The following MRTFB variants were observed in gnomAD, a reference collection of about 807,000 sequenced individuals.
The protein encoded by MRTFB is myocardin related transcription factor B.
A neutral mutation model predicts 104.2 loss-of-function variants in MRTFB; 29 were observed. The ratio of observed to expected loss-of-function variants is 0.28; its 90% CI spans 0.21 to 0.38. The LOEUF is 0.38. MRTFB is among the 10% of genes least tolerant of loss of function. The probability of loss-of-function intolerance (pLI) is 1.00; values close to 1 mark genes in which losing one functional copy is unlikely to be tolerated. For synonymous variants in MRTFB, 535 were observed against 519.5 expected, an observed-to-expected ratio of 1.03 and a Z score of -0.41; for missense variants, 1,270 against 1,341.6, an observed-to-expected ratio of 0.95 and a Z score of 0.83.
At chr16:14,257,237 C>T (rs2043534324) in intron 15 of MRTFB, among the ~76,000 whole-genome samples, 1 of 152,148 alleles carries the variant, frequency 6.6e-6, no homozygotes, top group African/African-American at 2.4e-5. Flanking sequence ...GGTCATTCCA[C>T]TCCTAATTAC....
intron 3 of MRTFB, among the ~76,000 whole-genome samples, chr16:14,205,649 T>C (rs1193992307): frequency 6.6e-6 from 1 of 152,254 alleles, no homozygotes; most frequent in Admixed American, 6.5e-5. Flanking sequence ...TGAGCAATTG[T>C]AACATGAAGT....
intron 3 of MRTFB, among the ~76,000 whole-genome samples, chr16:14,167,912 C>T (rs893500744): frequency 6.6e-6 from 1 of 151,994 alleles, no homozygotes; most frequent in African/African-American, 2.4e-5. Context: ...TGGTCTCGAT[C>T]TCCTGACCTC....
chr16:14,221,797 T>G (rs999371560), intron 8 of MRTFB, among the ~76,000 whole-genome samples: 5 of 148,442 alleles, frequency 3.4e-5, no homozygotes, highest in African/African-American at 1.2e-4. Flanking sequence ...TTTTTTTTTT[T>G]TTGAGAGGGA....
chr16:14,154,882 AAG>A (rs1406444203), intron 3 of MRTFB, among the ~76,000 whole-genome samples: 34 of 152,356 alleles, frequency 2.2e-4, no homozygotes, highest in African/African-American at 8.2e-4. Flanking sequence ...GAAAGCCAGT[AAG>A]AGAGAAGTCT....
chr16:14,136,028 T>A (rs1167896425), intron 2 of MRTFB, among the ~76,000 whole-genome samples: 1 of 152,184 alleles, frequency 6.6e-6, no homozygotes, highest in Non-Finnish European at 1.5e-5. Flanking sequence ...TCCAGCACTT[T>A]GGGAGGCCGA....
chr16:14,126,734 G>A (rs1422763334), intron 2 of MRTFB, among the ~76,000 whole-genome samples: 2 of 152,258 alleles, frequency 1.3e-5, no homozygotes, highest in African/African-American at 2.4e-5. Flanking sequence ...TAAAGATGCT[G>A]TGGCTTTGAA....
chr16:14,229,119 G>T (rs1406483567), intron 8 of MRTFB, among the ~76,000 whole-genome samples: 5 of 152,036 alleles, frequency 3.3e-5, no homozygotes, highest in East Asian at 3.9e-4. Context: ...GCAGGGATAC[G>T]TGCAGATCCT....
rs1567235920 is a variant in MRTFB, at chr16:14,264,086, G to T, written c.*2642G>T. The T allele has an allele frequency of 6.6e-6, 1 of 152,214 alleles. No individual in the cohort carries two copies. The highest frequency in any genetic ancestry group is 2.4e-5 in the African/African-American group (1 of 41,444). The allele number at this position is 152,214 out of a possible 1,614,324, so 9.4% of individuals were successfully genotyped here. A position where few individuals can be genotyped will look rare whatever the true frequency, so the allele number is the denominator to read the frequency against. ...GGATATTGACTAAAGACTGGTTGTT[G>T]TTGTTGTTTAGGTTAGTGTCACAGC... On this transcript the variant is annotated 3_prime_UTR_variant, in exon 17 of 17. Coordinates refer to ENST00000571589, the MANE Select transcript of MRTFB (RefSeq NM_001308142.2).
chr16:14,011,764 G>T, the MRTFB span, among the ~76,000 whole-genome samples: 2 of 152,058 alleles, frequency 1.3e-5, no homozygotes, highest in African/African-American at 4.8e-5. Context: ...CCCAACTACT[G>T]GGGAGGCTGA....
In MRTFB at chr16:14,212,356, T is replaced by C. The variant is rs1395810109; in HGVS notation, c.223T>C (p.Leu75=). Residue 75 remains leucine (L), a splice_region_variant and synonymous_variant, in exon 5 of 17, where the codon TTG becomes CTG. Transcript: ENST00000571589. ...GGAAACCATTTCTTTTCTCACAGCT[T>C]TGAAGAGCCCAGCGGCATTCCATGA... ...QLVDQGIMPP[L]KSPAAFHEQI... 6.2e-7 allele frequency: 1 copy of C among 1,613,808 alleles called. No individual in the cohort carries two copies. Among genetic ancestry groups the C allele is most frequent in the Non-Finnish European group, 8.5e-7 (1 of 1,179,848 alleles).
chr16:14,130,121 G>A (rs917274855), intron 2 of MRTFB, among the ~76,000 whole-genome samples: 5 of 152,162 alleles, frequency 3.3e-5, no homozygotes, highest in Non-Finnish European at 5.9e-5. Flanking sequence ...GTGAGCCATC[G>A]CATCCAGCCT....
chr16:14,247,046 G>C lies in MRTFB; in HGVS notation c.1786G>C (p.Glu596Gln), dbSNP rs1308012288. Reference sequence around the variant, plus strand: ...ACTGGAACAAGAGCAGAAGCTCGTGGAAGTGCTGAAAATGCAACTTGAGGT... The same window carrying C: ...ACTGGAACAAGAGCAGAAGCTCGTGCAAGTGCTGAAAATGCAACTTGAGGT... ...RKLEQEQKLV[E>Q]VLKMQLEVEK... The change falls in exon 12 of 17, where the codon GAA becomes CAA. Residue 596 changes from glutamate to glutamine, a missense_variant. Glu to Gln is a conservative substitution (Grantham distance 29, BLOSUM62 2). Transcript: ENST00000571589. 2.5e-6 allele frequency: 4 copies of C among 1,614,064 alleles called. No individual in the cohort carries two copies. Among genetic ancestry groups the C allele is most frequent in the Non-Finnish European group, 3.4e-6 (4 of 1,180,054 alleles).
intron 8 of MRTFB, among the ~76,000 whole-genome samples, chr16:14,223,176 A>G (rs973593387): frequency 6.6e-6 from 1 of 151,980 alleles, no homozygotes; most frequent in African/African-American, 2.4e-5. Context: ...TGGGCGTGGT[A>G]GTGCATACCT....
chr16:14,118,577 G>A lies in MRTFB; in HGVS notation c.-63-21967G>A, dbSNP rs986910699. ...GCACTTTGGGGAAACTGAGTTGGGC[G>A]GATTGCTTGAGCTCAAGAGTTCGAG... On this transcript the variant is annotated intron_variant, in intron 2 of 16. Coordinates refer to ENST00000571589, the MANE Select transcript of MRTFB (RefSeq NM_001308142.2). Among the ~76,000 whole-genome samples, 9 of 151,762 alleles carry A rather than the reference G, an allele frequency of 5.9e-5. No individual in the cohort carries two copies. In the East Asian group the frequency reaches 7.9e-4, roughly 13 times the overall value.
intron 2 of MRTFB, among the ~76,000 whole-genome samples, chr16:14,136,007 A>G (rs1156504555): frequency 3.9e-5 from 6 of 152,228 alleles, no homozygotes; most frequent in Non-Finnish European, 7.3e-5. Context: ...GCGGTGGCTC[A>G]TGCCTGTAAT....
rs75963814 is a variant in MRTFB, at chr16:14,240,269, C to A, written c.864C>A (p.His288Gln). The A allele has an allele frequency of 0.012, 19,443 of 1,611,022 alleles. 150 individuals are homozygous for A. Among genetic ancestry groups the A allele is most frequent in the Non-Finnish European group, 0.014 (16,660 of 1,178,762 alleles). Residue 288 changes from histidine (H) to glutamine (Q), a missense_variant, in exon 10 of 17, where the codon CAC becomes CAA. Coordinates refer to ENST00000571589, the MANE Select transcript of MRTFB (RefSeq NM_001308142.2). Reference sequence around the variant, plus strand: ...ATCCCAAGAATCCAAATGACAAACACCGTAGCAAAAAGTGCAAAGATCCCA... The same window carrying A: ...ATCCCAAGAATCCAAATGACAAACAACGTAGCAAAAAGTGCAAAGATCCCA... ...QSHPKNPNDK[H>Q]RSKKCKDPKP...
the MRTFB span, among the ~76,000 whole-genome samples, chr16:14,048,717 G>A: frequency 1.3e-5 from 2 of 152,222 alleles, no homozygotes; most frequent in South Asian, 2.1e-4. Context: ...AGTTGTGAAA[G>A]TCACAAGGTT....
In MRTFB at chr16:14,227,033, G is replaced by A. The variant is rs140271249; in HGVS notation, c.694-7113G>A. Among the ~76,000 whole-genome samples the A allele has an allele frequency of 5.0e-3, 763 of 151,926 alleles. 6 individuals carry two copies. Among genetic ancestry groups the A allele is most frequent in the African/African-American group, 0.017 (717 of 41,414 alleles). On this transcript the variant is annotated intron_variant, in intron 8 of 16. Coordinates refer to ENST00000571589, the MANE Select transcript of MRTFB (RefSeq NM_001308142.2). ...TTCAGTGCATCAAAGGACATCAACA[G>A]AGTAAAAAAGCAATCCAAAAAATGG...
intron 2 of MRTFB, among the ~76,000 whole-genome samples, chr16:14,081,722 G>A (rs1327902359): frequency 6.6e-6 from 1 of 152,016 alleles, no homozygotes; most frequent in African/African-American, 2.4e-5. Flanking sequence ...TGGGACCACA[G>A]GCACATGCCA....
Sources: allele counts gnomAD v4.1 joint callset (sites outside exome capture counted in the v4.1 genomes callset), GRCh38; gene constraint gnomAD v4.1.1; transcripts MANE v1.5; gene names NCBI Gene and HGNC (gene_info 2026-07-23, HGNC 2026-07-21).